CCDC178: variants seen among roughly 807,000 people sequenced by gnomAD.
CCDC178 encodes coiled-coil domain containing 178.
Under a neutral mutation model 117.4 loss-of-function variants are expected in CCDC178, and 126 were observed. The observed-to-expected ratio is 1.07, with a 90% CI of 0.93 to 1.24. The LOEUF (loss-of-function observed/expected upper bound fraction) is 1.24. CCDC178 is among the 50% of genes most tolerant of loss of function. CCDC178 has a pLI of 0.00. For synonymous variants in CCDC178, 283 were observed against 313.4 expected (o/e 0.90, Z 1.02); for missense variants, 1,030 against 986.9 (o/e 1.04, Z -0.59).
intron 15 of CCDC178, among the ~76,000 whole-genome samples, chr18:33,240,332 A>G (rs1175765642): frequency 6.6e-6 from 1 of 151,894 alleles, no homozygotes; most frequent in Non-Finnish European, 1.5e-5. Flanking sequence ...AACAGCAAGA[A>G]CAAAACAAAC....
At chr18:33,376,005 G>C (rs2063360137) in intron 5 of CCDC178, among the ~76,000 whole-genome samples, 1 of 152,178 alleles carries the variant, frequency 6.6e-6, no homozygotes, top group Non-Finnish European at 1.5e-5. Flanking sequence ...GTACAACTTG[G>C]ATAACGGCCA....
chr18:33,101,240 A>G (rs549852124), intron 20 of CCDC178, among the ~76,000 whole-genome samples: 2 of 150,998 alleles, frequency 1.3e-5, no homozygotes, highest in Non-Finnish European at 3.0e-5. Context: ...TTATATTTTA[A>G]TTTGTTGATA....
chr18:33,230,723 G>T (rs1267183422), intron 15 of CCDC178, among the ~76,000 whole-genome samples: 1 of 152,176 alleles, frequency 6.6e-6, no homozygotes, highest in African/African-American at 2.4e-5. Context: ...CAAGGCCTTT[G>T]AGATGTTTTT....
intron 20 of CCDC178, among the ~76,000 whole-genome samples, chr18:33,189,455 G>C (rs1194012892): frequency 6.6e-6 from 1 of 152,194 alleles, no homozygotes; most frequent in East Asian, 1.9e-4. Context: ...ATATATGTAA[G>C]TTATTTTTGT....
At chr18:32,947,518 A>G (rs1476040398) in intron 22 of CCDC178, among the ~76,000 whole-genome samples, 1 of 152,182 alleles carries the variant, frequency 6.6e-6, no homozygotes, top group Admixed American at 6.5e-5. Context: ...TGAATTGTCT[A>G]TTCAAATCTT....
At chr18:33,378,341 G>A (rs2144783504) in intron 5 of CCDC178, among the ~76,000 whole-genome samples, 1 of 152,240 alleles carries the variant, frequency 6.6e-6, no homozygotes, top group Middle Eastern at 3.4e-3. Flanking sequence ...CTTTTGGTAG[G>A]GTCTTTAGGG....
intron 11 of CCDC178, among the ~76,000 whole-genome samples, chr18:33,310,303 C>T (rs926025276): frequency 6.6e-6 from 1 of 152,022 alleles, no homozygotes; most frequent in Admixed American, 6.6e-5. Flanking sequence ...ATCAAAAGGT[C>T]CACACGTGTA....
At chr18:33,018,170 G>A (rs988392194) in intron 21 of CCDC178, among the ~76,000 whole-genome samples, 9 of 151,930 alleles carry the variant, frequency 5.9e-5, no homozygotes, top group Non-Finnish European at 1.3e-4. Flanking sequence ...TGACTAATAA[G>A]CACAGGTAAT....
At chr18:33,284,968 G>T (rs1268541120) in intron 12 of CCDC178, among the ~76,000 whole-genome samples, 1 of 151,040 alleles carries the variant, frequency 6.6e-6, no homozygotes, top group Non-Finnish European at 1.5e-5. Context: ...ATGAAAAACA[G>T]GGAAGTGAAA....
At chr18:33,408,825 G>A (rs993555116) in intron 3 of CCDC178, among the ~76,000 whole-genome samples, 1 of 152,128 alleles carries the variant, frequency 6.6e-6, no homozygotes, top group Non-Finnish European at 1.5e-5. Context: ...ATGTGATGCT[G>A]CCATGAAATG....
chr18:33,114,189 A>T (rs1342705459), intron 20 of CCDC178, among the ~76,000 whole-genome samples: 2 of 152,042 alleles, frequency 1.3e-5, no homozygotes, highest in Non-Finnish European at 2.9e-5. Context: ...AAACAGATGT[A>T]AACCTGCATG....
intron 21 of CCDC178, among the ~76,000 whole-genome samples, chr18:32,979,371 C>T (rs918562507): frequency 6.6e-6 from 1 of 152,002 alleles, no homozygotes; most frequent in Non-Finnish European, 1.5e-5. Flanking sequence ...GTTGGGCAGG[C>T]TGGCCTTGAA....
At chr18:33,052,567 A>G (rs2056764518) in intron 21 of CCDC178, among the ~76,000 whole-genome samples, 1 of 152,192 alleles carries the variant, frequency 6.6e-6, no homozygotes, top group South Asian at 2.1e-4. Flanking sequence ...AAAGAAGGAA[A>G]ATTCTTGTTC....
intron 12 of CCDC178, among the ~76,000 whole-genome samples, chr18:33,282,207 C>T (rs1221376904): frequency 6.6e-6 from 1 of 152,132 alleles, no homozygotes; most frequent in Non-Finnish European, 1.5e-5. Context: ...TGAAACCCGG[C>T]AGGAAGGGAC....
intron 4 of CCDC178, 47 bp downstream of exon 4, chr18:33,397,102 G>T: frequency 8.2e-7 from 1 of 1,215,472 alleles, no homozygotes; most frequent in Non-Finnish European, 1.2e-6. Context: ...CAATTAATAT[G>T]TGACAGAAAA....
intron 15 of CCDC178, among the ~76,000 whole-genome samples, chr18:33,243,084 A>T (rs1296462672): frequency 1.3e-5 from 2 of 151,964 alleles, no homozygotes; most frequent in Non-Finnish European, 2.9e-5. Flanking sequence ...AAAGAATGAA[A>T]TCCTATCATT....
intron 21 of CCDC178, among the ~76,000 whole-genome samples, chr18:33,017,001 CATT>C (rs2144815642): frequency 6.6e-6 from 1 of 151,942 alleles, no homozygotes; most frequent in Non-Finnish European, 1.5e-5. Context: ...CTATAGCTAA[CATT>C]ATATTCAATA....
chr18:32,979,976 T>C (rs1054968147), intron 21 of CCDC178, among the ~76,000 whole-genome samples: 4 of 152,134 alleles, frequency 2.6e-5, no homozygotes, highest in African/African-American at 9.7e-5. Flanking sequence ...GGCTAATAAT[T>C]GGCTAGCTCC....
At chr18:33,228,149 G>T (rs1319880560) in intron 15 of CCDC178, among the ~76,000 whole-genome samples, 1 of 152,198 alleles carries the variant, frequency 6.6e-6, no homozygotes, top group Non-Finnish European at 1.5e-5. Flanking sequence ...TGAATGAGGT[G>T]AAGCTGAAGA....
Sources: allele counts gnomAD v4.1 joint callset (sites outside exome capture counted in the v4.1 genomes callset), GRCh38; gene constraint gnomAD v4.1.1; transcripts MANE v1.5; gene names NCBI Gene and HGNC (gene_info 2026-07-23, HGNC 2026-07-21).